Variants in DCAF8L2 observed in about 807,000 individuals in gnomAD.
DCAF8L2 encodes DDB1 and CUL4 associated factor 8 like 2.
For synonymous variants in DCAF8L2, 200 were observed against 190.9 expected (o/e 1.05, Z -0.39); for missense variants, 430 against 490.7 (o/e 0.88, Z 1.17).
chrX:27,502,329 AAAAAAAATATATATATAT>A, the DCAF8L2 span, among the ~76,000 whole-genome samples: 6 of 32,111 alleles, frequency 1.9e-4, no homozygotes, highest in African/African-American at 7.8e-4. Flanking sequence ...AAAAAAAAAA[AAAAAAAATATATATATAT>A]ATATATATAT....
intron 1 of DCAF8L2, among the ~76,000 whole-genome samples, chrX:27,629,667 T>C (rs966581290): frequency 9.0e-6 from 1 of 111,726 alleles, no homozygotes; most frequent in African/African-American, 3.3e-5. Flanking sequence ...GTTCCATTGG[T>C]CTGTATGTCT....
chrX:27,602,781 T>G (rs1312478344), intron 1 of DCAF8L2, among the ~76,000 whole-genome samples: 1 of 111,789 alleles, frequency 8.9e-6, no homozygotes, highest in Non-Finnish European at 1.9e-5. Context: ...ATCTAAAAGA[T>G]TAAAAAATAT....
chrX:27,540,466 T>G, the DCAF8L2 span, among the ~76,000 whole-genome samples: 1 of 111,148 alleles, frequency 9.0e-6, no homozygotes, highest in Non-Finnish European at 1.9e-5. Flanking sequence ...AAATAAGGCA[T>G]GCACAGAACG....
At chrX:27,610,329 G>C (rs958643183) in intron 1 of DCAF8L2, among the ~76,000 whole-genome samples, 10 of 110,886 alleles carry the variant, frequency 9.0e-5, no homozygotes, top group African/African-American at 3.3e-4. Flanking sequence ...TGGTGTCATA[G>C]CAAGTGTTAT....
chrX:27,533,164 G>GAAAGAAAGAA, the DCAF8L2 span, among the ~76,000 whole-genome samples: 4 of 17,347 alleles, frequency 2.3e-4, no homozygotes, highest in Admixed American at 9.4e-4. Context: ...GAGAGAGAGA[G>GAAAGAAAGAA]AGAAAGAAAG....
At chrX:27,704,249 C>T (rs1423570797) in intron 3 of DCAF8L2, among the ~76,000 whole-genome samples, 6 of 81,009 alleles carry the variant, frequency 7.4e-5, no homozygotes, top group African/African-American at 1.1e-4. Context: ...TGCGCACATA[C>T]GTATGTACGT....
intron 1 of DCAF8L2, among the ~76,000 whole-genome samples, chrX:27,606,473 C>T (rs1365707766): frequency 5.0e-5 from 5 of 99,675 alleles, no homozygotes; most frequent in Non-Finnish European, 8.0e-5. Flanking sequence ...CAGGTTGAAG[C>T]GATTCTCCTG....
At chrX:27,577,961 A>G in the DCAF8L2 span, among the ~76,000 whole-genome samples, 1 of 111,754 alleles carries the variant, frequency 8.9e-6, no homozygotes, top group Non-Finnish European at 1.9e-5. Context: ...CATCATGAAA[A>G]TGGTCATACT....
chrX:27,515,352 A>T, the DCAF8L2 span, among the ~76,000 whole-genome samples: 15 of 112,240 alleles, frequency 1.3e-4, no homozygotes, highest in African/African-American at 4.5e-4. Context: ...ACTGCTAATG[A>T]TAAGTTATAA....
chrX:27,745,590 C>T (rs1443392380), intron 4 of DCAF8L2, among the ~76,000 whole-genome samples: 2 of 112,071 alleles, frequency 1.8e-5, no homozygotes, highest in Non-Finnish European at 3.8e-5. Flanking sequence ...CTTTCTGTTA[C>T]TATTGGCCTT....
chrX:27,519,774 G>A, the DCAF8L2 span: 1 of 517,687 alleles, frequency 1.9e-6, no homozygotes, highest in Middle Eastern at 4.0e-4. Flanking sequence ...CCAATTTGAG[G>A]CTTTTAATCT....
At chrX:27,636,869 A>T (rs1928523826) in intron 2 of DCAF8L2, among the ~76,000 whole-genome samples, 1 of 112,006 alleles carries the variant, frequency 8.9e-6, no homozygotes, top group African/African-American at 3.2e-5. Context: ...CAGAAAAGCA[A>T]ATCATAAAAT....
chrX:27,512,772 T>C, the DCAF8L2 span, among the ~76,000 whole-genome samples: 1 of 30,367 alleles, frequency 3.3e-5, no homozygotes, highest in Admixed American at 4.9e-4. Context: ...GCCAAAACAA[T>C]CTTGAGCAAA....
At chrX:27,547,545 A>G in the DCAF8L2 span, among the ~76,000 whole-genome samples, 2 of 112,059 alleles carry the variant, frequency 1.8e-5, no homozygotes. Flanking sequence ...ACTTACAATC[A>G]TGGCAGAAGA....
the DCAF8L2 span, among the ~76,000 whole-genome samples, chrX:27,547,984 C>T: frequency 9.3e-6 from 1 of 107,249 alleles, no homozygotes; most frequent in African/African-American, 3.4e-5. Flanking sequence ...GAGGCCTCCC[C>T]AGGCATGCCT....
At chrX:27,472,901 T>C in the DCAF8L2 span, among the ~76,000 whole-genome samples, 5 of 112,198 alleles carry the variant, frequency 4.5e-5, no homozygotes, top group African/African-American at 1.6e-4. Flanking sequence ...TTTGAAACAT[T>C]AGTTTTACAA....
At chrX:27,621,508 C>T (rs908991577) in intron 1 of DCAF8L2, among the ~76,000 whole-genome samples, 1 of 111,388 alleles carries the variant, frequency 9.0e-6, no homozygotes, top group Admixed American at 9.6e-5. Flanking sequence ...TGCCCACCCA[C>T]CACAGTAAAG....
At chrX:27,508,895 G>T in the DCAF8L2 span, among the ~76,000 whole-genome samples, 1 of 109,975 alleles carries the variant, frequency 9.1e-6, no homozygotes, top group African/African-American at 3.3e-5. Flanking sequence ...ACAATGAAGT[G>T]TAGGTGCTTA....
At chrX:27,633,331 A>T (rs1227799847) in intron 2 of DCAF8L2, 2 of 112,298 alleles carry the variant, frequency 1.8e-5, no homozygotes, top group Non-Finnish European at 3.8e-5. Flanking sequence ...TACTTACGGC[A>T]CTTCATTAAA....
Sources: allele counts gnomAD v4.1 joint callset (sites outside exome capture counted in the v4.1 genomes callset), GRCh38; gene constraint gnomAD v4.1.1; transcripts MANE v1.5; gene names NCBI Gene and HGNC (gene_info 2026-07-23, HGNC 2026-07-21).